The following NLGN1 variants were observed in gnomAD, a reference collection of about 807,000 sequenced individuals.
NLGN1 encodes neuroligin 1.
A neutral mutation model predicts 65.5 loss-of-function variants in NLGN1; 12 were observed. The observed-to-expected ratio is 0.18, with a 90% CI of 0.12 to 0.30. NLGN1 has a LOEUF of 0.30. Ranked by LOEUF, NLGN1 falls within the 10% of genes least tolerant of loss-of-function variation. The pLI is 1.00. For synonymous variants in NLGN1, 350 were observed against 359.5 expected (o/e 0.97, Z 0.30); for missense variants, 750 against 1,007.1 (o/e 0.74, Z 3.46).
intron 4 of NLGN1, among the ~76,000 whole-genome samples, chr3:173,843,417 G>A (rs1725168690): frequency 6.6e-6 from 1 of 152,154 alleles, no homozygotes; most frequent in Admixed American, 6.5e-5. Context: ...CTTTTCTATT[G>A]CATTGTCAGG....
intron 4 of NLGN1, among the ~76,000 whole-genome samples, chr3:173,986,710 T>TA: frequency 2.0e-5 from 3 of 152,332 alleles, no homozygotes; most frequent in Admixed American, 2.0e-4. Flanking sequence ...AGCAAACTAA[T>TA]ACAGCGTCTA....
At chr3:173,915,033 A>G (rs1403139767) in intron 4 of NLGN1, 1 of 152,182 alleles carries the variant, frequency 6.6e-6, no homozygotes, top group Non-Finnish European at 1.5e-5. Context: ...TTTTCTTTTT[A>G]ATCATTTACA....
chr3:174,080,972 G>T (rs553726006), intron 4 of NLGN1, among the ~76,000 whole-genome samples: 1 of 142,848 alleles, frequency 7.0e-6, no homozygotes, highest in African/African-American at 2.8e-5. Context: ...TAGGGGAAGC[G>T]CTCTCCTGCC....
At chr3:173,400,615 T>G (rs144620775) in intron 1 of NLGN1, among the ~76,000 whole-genome samples, 1 of 152,240 alleles carries the variant, frequency 6.6e-6, no homozygotes, top group East Asian at 1.9e-4. Context: ...TGGGTGGTCT[T>G]TCCTTCATCA....
intron 2 of NLGN1, among the ~76,000 whole-genome samples, chr3:173,450,389 C>T (rs1281159925): frequency 1.3e-5 from 2 of 152,116 alleles, no homozygotes; most frequent in Non-Finnish European, 2.9e-5. Context: ...TGATATTGGC[C>T]CCCACTCTCT....
chr3:173,907,032 C>G (rs1738558711), intron 4 of NLGN1, among the ~76,000 whole-genome samples: 1 of 152,032 alleles, frequency 6.6e-6, no homozygotes, highest in Non-Finnish European at 1.5e-5. Context: ...CTGCAAGAAA[C>G]AGTTGAAGAT....
At chr3:174,286,705 G>T (rs558932713), downstream of NLGN1, 3 of 151,510 alleles carry the variant, frequency 2.0e-5, no homozygotes, top group Admixed American at 6.6e-5. Context: ...CACACAAAAA[G>T]GTTACTAAGA....
intron 4 of NLGN1, among the ~76,000 whole-genome samples, chr3:174,000,037 G>A (rs928812642): frequency 1.3e-5 from 2 of 151,816 alleles, no homozygotes; most frequent in African/African-American, 4.8e-5. Context: ...AAGGAGTTAC[G>A]TGGTGGATAC....
At chr3:173,877,375 G>C (rs993748309) in intron 4 of NLGN1, among the ~76,000 whole-genome samples, 6 of 151,870 alleles carry the variant, frequency 4.0e-5, no homozygotes, top group Admixed American at 6.6e-5. Context: ...AACCTTCAGA[G>C]ACATAAAGGA....
At chr3:173,453,461 G>C (rs1721985122) in intron 2 of NLGN1, among the ~76,000 whole-genome samples, 1 of 151,774 alleles carries the variant, frequency 6.6e-6, no homozygotes, top group Non-Finnish European at 1.5e-5. Flanking sequence ...TTTCTTTATA[G>C]TGTGCAAGTC....
At chr3:174,097,422 A>T (rs1423681697) in intron 4 of NLGN1, among the ~76,000 whole-genome samples, 6 of 152,228 alleles carry the variant, frequency 3.9e-5, no homozygotes. Flanking sequence ...GGATTGTCAA[A>T]GGGAATATTC....
intron 2 of NLGN1, among the ~76,000 whole-genome samples, chr3:173,458,152 C>T (rs945223934): frequency 6.6e-6 from 1 of 151,868 alleles, no homozygotes; most frequent in South Asian, 2.1e-4. Flanking sequence ...GGAATTTCAG[C>T]AAAAGTAGAG....
At chr3:173,887,711 TA>T (rs1482267987) in intron 4 of NLGN1, among the ~76,000 whole-genome samples, 2 of 151,594 alleles carry the variant, frequency 1.3e-5, no homozygotes, top group African/African-American at 4.8e-5. Flanking sequence ...CAATCATTTT[TA>T]AAATATACTA....
intron 4 of NLGN1, among the ~76,000 whole-genome samples, chr3:173,919,601 A>G (rs9882544): frequency 6.6e-6 from 1 of 151,888 alleles, no homozygotes; most frequent in Non-Finnish European, 1.5e-5. Flanking sequence ...CAAAATCCAC[A>G]CTCTTAACTA....
chr3:174,051,867 G>A (rs930590774), intron 4 of NLGN1, among the ~76,000 whole-genome samples: 17 of 151,924 alleles, frequency 1.1e-4, no homozygotes, highest in East Asian at 3.9e-4. Context: ...CTAATTTTCC[G>A]TTTGTCTGAA....
intron 2 of NLGN1, among the ~76,000 whole-genome samples, chr3:173,476,764 G>C (rs1454919064): frequency 6.6e-6 from 1 of 152,108 alleles, no homozygotes; most frequent in Non-Finnish European, 1.5e-5. Context: ...TAGAGATAGA[G>C]AGAACATTTA....
At chr3:174,281,396 A>C (rs1432134001) in exon 7 of NLGN1, 4 of 774,186 alleles carry the variant, frequency 5.2e-6, no homozygotes, top group Non-Finnish European at 8.4e-6. Flanking sequence ...CTTACTATTT[A>C]AATAAGGAGG....
chr3:173,745,022 C>A (rs1008355698), intron 3 of NLGN1, among the ~76,000 whole-genome samples: 11 of 152,180 alleles, frequency 7.2e-5, no homozygotes, highest in Non-Finnish European at 1.0e-4. Context: ...ACTGTTGGAT[C>A]CATGATGCAC....
intron 4 of NLGN1, among the ~76,000 whole-genome samples, chr3:174,197,517 T>TAAAAAAAAAA (rs1733650478): frequency 7.7e-5 from 2 of 25,818 alleles, no homozygotes; most frequent in African/African-American, 2.3e-4. Flanking sequence ...GTACTTAACC[T>TAAAAAAAAAA]CAAAAAAAAA....
Sources: allele counts gnomAD v4.1 joint callset (sites outside exome capture counted in the v4.1 genomes callset), GRCh38; gene constraint gnomAD v4.1.1; transcripts MANE v1.5; gene names NCBI Gene and HGNC (gene_info 2026-07-23, HGNC 2026-07-21).